The following NDUFV1 variants were observed in gnomAD, a reference collection of about 807,000 sequenced individuals.
The protein encoded by NDUFV1 is NADH:ubiquinone oxidoreductase core subunit V1, also known as NADH dehydrogenase [ubiquinone] flavoprotein 1, mitochondrial.
NDUFV1 carries 41 observed loss-of-function variants against 48.7 expected under a neutral mutation model. That is an observed-to-expected ratio of 0.84 (90% CI 0.66 to 1.09). NDUFV1 has a LOEUF of 1.09. NDUFV1 is among the 50% of genes least tolerant of loss of function. The probability of loss-of-function intolerance (pLI) is 0.00; values close to 1 mark genes in which losing one functional copy is unlikely to be tolerated. For missense variants in NDUFV1, 580 were observed against 645.4 expected, an observed-to-expected ratio of 0.90 and a Z score of 1.10; for synonymous variants, 231 against 259.1, an observed-to-expected ratio of 0.89 and a Z score of 1.04.
At position 67,611,499 on chromosome 11, in the gene NDUFV1, T is replaced by C. The variant is rs762888988; in HGVS notation, c.1010T>C (p.Met337Thr). Residue 337 changes from methionine (M) to threonine (T), a missense_variant, in exon 7 of 10, where the codon ATG becomes ACG. Physicochemically the swap from Met to Thr is moderately conservative, Grantham distance 81. Transcript: ENST00000322776. The surrounding 1 kb of genome is among the most constrained non-coding windows in gnomAD (Gnocchi z 4.2). ...IPKSVCETVL[M>T]DFDALVQAQT... ...AAGTCTGTGTGTGAGACGGTGCTGA[T>C]GGACTTCGATGCGCTGGTGCAGGCA... The C allele has an allele frequency of 6.2e-7, 1 of 1,613,846 alleles. No individual in the cohort carries two copies.
chr11:67,609,131 T>A (rs1433246637), intron 3 of NDUFV1, among the ~76,000 whole-genome samples: 1 of 152,222 alleles, frequency 6.6e-6, no homozygotes. Flanking sequence ...CTTTACCTCC[T>A]TTTGATGGTA....
At position 67,611,416 on chromosome 11, in the gene NDUFV1, C is replaced by A; in HGVS notation, c.927C>A (p.Gly309=). The change falls in exon 7 of 10, where the codon GGC becomes GGA. Residue 309 remains glycine, a synonymous_variant. Transcript: ENST00000322776. The surrounding 1 kb of genome is among the most constrained non-coding windows in gnomAD (Gnocchi z 4.2). ...TTGGGGCCCCAGGGGGTGTCACGGG[C>A]GGCTGGGACAACCTCCTTGCTGTGA... ...LIEKHAGGVT[G]GWDNLLAVIP... 1 of 1,613,596 alleles carries A rather than the reference C, an allele frequency of 6.2e-7. No individual in the cohort carries two copies. The highest frequency in any genetic ancestry group is 2.2e-5 in the East Asian group (1 of 44,882).
chr11:67,609,337 G>T, intron 3 of NDUFV1, 115 bp from the exon 4 acceptor site: 1 of 1,080,098 alleles, frequency 9.3e-7, no homozygotes, highest in Non-Finnish European at 1.4e-6. Context: ...GGCAGTAAAG[G>T]ATTGGCTGTC....
rs965666260 is a variant in NDUFV1 at position 67,612,028 on chromosome 11, T to A, written c.1162+50T>A. Reference sequence around the variant, plus strand: ...TTGCTTGCTGTGGCTTCATTTAACCTCCTCCCCACCACGTGGCCTGCAGCC... The same window carrying A: ...TTGCTTGCTGTGGCTTCATTTAACCACCTCCCCACCACGTGGCCTGCAGCC... On this transcript the variant is annotated intron_variant, in intron 8 of 9. Transcript: ENST00000322776. The surrounding 1 kb of genome is among the most constrained non-coding windows in gnomAD (Gnocchi z 4.4). 1 of 1,613,150 alleles carries A rather than the reference T, an allele frequency of 6.2e-7. No homozygotes were observed. Among genetic ancestry groups the A allele is most frequent in the South Asian group, 1.1e-5 (1 of 91,056 alleles).
rs1036709921 is a variant in NDUFV1, at chr11:67,610,553, C to G, written c.683C>G (p.Pro228Arg). The change falls in exon 5 of 10, where the codon CCC (proline) becomes CGC (arginine). Residue 228 changes from proline to arginine, a missense_variant. Pro to Arg is a moderately radical substitution (Grantham distance 103). Transcript: ENST00000322776. ...GKQGKPRLKP[P>R]FPADVGVFGC... is the part of the protein sequence containing the mutation. ...CAGGGCAAGCCCCGCCTGAAGCCCC[C>G]CTTCCCCGCAGACGTGGGTAAGGCC... The G allele has an allele frequency of 5.6e-6, 9 of 1,614,160 alleles. No homozygotes were observed. Among genetic ancestry groups the G allele is most frequent in the East Asian group, 2.2e-5 (1 of 44,892 alleles).
At position 67,612,430 on chromosome 11, in the gene NDUFV1, A is replaced by T; in HGVS notation, c.1367A>T (p.Gln456Leu). The change falls in exon 10 of 10, where the codon CAG (glutamine) becomes CTG (leucine). Residue 456 changes from glutamine (Q) to leucine (L), a missense_variant. By Grantham distance (113) the Gln-to-Leu change is moderately radical. Coordinates refer to ENST00000322776, the MANE Select transcript of NDUFV1 (RefSeq NM_007103.4). The surrounding 1 kb of genome is among the most constrained non-coding windows in gnomAD (Gnocchi z 4.4). ...LEERMQRFAQQHQARQAAS is the reference protein window; with the variant it reads ...LEERMQRFAQLHQARQAAS ...GAGCGGATGCAGCGGTTTGCCCAGCAGCATCAGGCCCGGCAGGCTGCCTCT... is the reference window on the plus strand; with the variant it reads ...GAGCGGATGCAGCGGTTTGCCCAGCTGCATCAGGCCCGGCAGGCTGCCTCT... 2.5e-6 allele frequency: 4 copies of T among 1,612,302 alleles called. No individual in the cohort carries two copies. Among genetic ancestry groups the T allele is most frequent in the Non-Finnish European group, 3.4e-6 (4 of 1,179,932 alleles).
At position 67,610,670 on chromosome 11, in the gene NDUFV1, C is replaced by T. The variant is rs561801772; in HGVS notation, c.700+100C>T. 8 of 1,475,610 alleles carry T rather than the reference C, an allele frequency of 5.4e-6. No homozygotes were observed. The African/African-American group carries it at 8.4e-5, about 15-fold the overall frequency. 91.4% of individuals were successfully genotyped at this position (1,475,610 alleles called of 1,614,324 possible). A position where few individuals can be genotyped will look rare whatever the true frequency, so the allele number is the denominator to read the frequency against. On this transcript the variant is annotated intron_variant, in intron 5 of 9. Coordinates refer to ENST00000322776, the MANE Select transcript of NDUFV1 (RefSeq NM_007103.4). Reference sequence around the variant, plus strand: ...TTCTTAGGGATTTCTGAGTGGCTTCCCGGCTGGGGCCAGATAGAGAGTAGG... The same window carrying T: ...TTCTTAGGGATTTCTGAGTGGCTTCTCGGCTGGGGCCAGATAGAGAGTAGG...
chr11:67,608,699 C>A lies in NDUFV1; in HGVS notation c.303C>A (p.Phe101Leu). ...TCCCCACTGGCCTCAAGTGGAGCTT[C>A]ATGAATAAGCCCTCAGATGGCAGGT... The part of the protein sequence containing the change: ...AGFPTGLKWS[F>L]MNKPSDGRPK... The change falls in exon 3 of 10, where the codon TTC becomes TTA. Residue 101 changes from phenylalanine to leucine, a missense_variant. Coordinates refer to ENST00000322776, the MANE Select transcript of NDUFV1 (RefSeq NM_007103.4). 6.2e-7 allele frequency: 1 copy of A among 1,614,024 alleles called. No homozygotes were observed.
Position 67,612,527 on chromosome 11 carries a change from C to T in NDUFV1, c.*69C>T. 6.7e-7 allele frequency: 1 copy of T among 1,502,622 alleles called. No homozygotes were observed. The highest frequency in any genetic ancestry group is 1.2e-5 in the South Asian group (1 of 84,792). The allele number at this position is 1,502,622 out of a possible 1,614,324, so 93.1% of individuals were successfully genotyped here. A position where few individuals can be genotyped will look rare whatever the true frequency, so the allele number is the denominator to read the frequency against. ...GCTGGACAATAAAGCGAGTGCTGCC[C>T]ACCCTCCAGCTGCCGCTGCTGTGAC... is the stretch of plus-strand genomic sequence containing the variant. On this transcript the variant is annotated 3_prime_UTR_variant, in exon 10 of 10. Coordinates refer to ENST00000322776, the MANE Select transcript of NDUFV1 (RefSeq NM_007103.4). This position sits in a 1 kb window ranked among gnomAD's most constrained non-coding sequence, Gnocchi z 4.4.
At chr11:67,610,087 A>T in intron 4 of NDUFV1, 1 of 443,774 alleles carries the variant, frequency 2.3e-6, no homozygotes, top group South Asian at 2.7e-5. Flanking sequence ...TTTTAATTTT[A>T]TAAGGACTTT....
chr11:67,607,865 A>G (rs1344452652), intron 1 of NDUFV1, among the ~76,000 whole-genome samples: 1 of 152,244 alleles, frequency 6.6e-6, no homozygotes, highest in African/African-American at 2.4e-5. Flanking sequence ...CGTTCCTATC[A>G]GAGTTCTTAT....
In NDUFV1 at chr11:67,611,224, G is replaced by T. The variant is rs775146684; in HGVS notation, c.913+17G>T. ...AGCATGCTGGTAAGGCCTGGGGCCA[G>T]CCAGGTGGTGGGGGGGTGCGCAGTG... On this transcript the variant is annotated intron_variant, in intron 6 of 9. Coordinates refer to ENST00000322776, the MANE Select transcript of NDUFV1 (RefSeq NM_007103.4). This position sits in a 1 kb window ranked among gnomAD's most constrained non-coding sequence, Gnocchi z 4.2. The T allele has an allele frequency of 3.1e-6, 5 of 1,611,932 alleles. No individual in the cohort carries two copies. In the Admixed American group the frequency reaches 8.3e-5, roughly 27 times the overall value.
intron 5 of NDUFV1, 183 bp from the exon 6 acceptor site, chr11:67,610,812 A>C: frequency 2.6e-6 from 2 of 774,560 alleles, no homozygotes; most frequent in South Asian, 3.3e-5. Context: ...TCTGAGGCTA[A>C]GGGCATGGGG....
chr11:67,608,765 C>G (rs1854858539), intron 3 of NDUFV1, 43 bp downstream of exon 3: 2 of 1,609,598 alleles, frequency 1.2e-6, no homozygotes, highest in East Asian at 4.5e-5. Context: ...TGGGAGAGAC[C>G]TTGGGGGTGG....
intron 3 of NDUFV1, among the ~76,000 whole-genome samples, 160 bp downstream of exon 3, chr11:67,608,882 C>T (rs887891720): frequency 6.6e-6 from 1 of 152,156 alleles, no homozygotes; most frequent in African/African-American, 2.4e-5. Flanking sequence ...TGTGGACTTC[C>T]ACAGGGGAGA....
rs1048338020 is a variant in NDUFV1, at chr11:67,610,544, T to C, written c.674T>C (p.Leu225Pro). Residue 225 changes from leucine to proline, a missense_variant, in exon 5 of 10, where the codon CTG (leucine) becomes CCG (proline). Transcript: ENST00000322776. ...SIEGKQGKPR[L>P]KPPFPADVGV... ...GAGGGCAAGCAGGGCAAGCCCCGCC[T>C]GAAGCCCCCCTTCCCCGCAGACGTG... 1.2e-6 allele frequency: 2 copies of C among 1,614,158 alleles called. No individual in the cohort carries two copies. The highest frequency in any genetic ancestry group is 4.5e-5 in the East Asian group (2 of 44,892).
Position 67,611,301 on chromosome 11 carries a change from C to T in NDUFV1, c.913+94C>T. ...GGGCGGGAGGGCTCAGGAGACGGGG[C>T]TGGGTCTAGGGGCTGACTAAGGGCC... On this transcript the variant is annotated intron_variant, in intron 6 of 9. Transcript: ENST00000322776. The surrounding 1 kb of genome is among the most constrained non-coding windows in gnomAD (Gnocchi z 4.2). 2 of 1,592,278 alleles carry T rather than the reference C, an allele frequency of 1.3e-6. No individual in the cohort carries two copies. Among genetic ancestry groups the T allele is most frequent in the African/African-American group, 1.3e-5 (1 of 74,612 alleles).
intron 4 of NDUFV1, chr11:67,610,142 GCT>G (rs1269897190): frequency 1.8e-6 from 1 of 570,868 alleles, no homozygotes. Flanking sequence ...CCTGATAGTA[GCT>G]ACTTCGTTTT....
rs768399541 is a variant in NDUFV1 at position 67,608,708 on chromosome 11, G to T, written c.312G>T (p.Lys104Asn). ...PTGLKWSFMN[K>N]PSDGRPKYLV... The stretch of plus-strand genomic sequence containing the variant: ...GCCTCAAGTGGAGCTTCATGAATAA[G>T]CCCTCAGATGGCAGGTGTGTGTGTG... The change falls in exon 3 of 10, where the codon AAG becomes AAT. Residue 104 changes from lysine to asparagine, a missense_variant. By Grantham distance (94) the Lys-to-Asn change is moderately conservative. Transcript: ENST00000322776. The T allele has an allele frequency of 1.2e-5, 19 of 1,613,836 alleles. No homozygotes were observed. Among genetic ancestry groups the T allele is most frequent in the Non-Finnish European group, 1.6e-5 (19 of 1,179,936 alleles).
Sources: gnomAD v4.1 joint callset for allele counts (sites outside exome capture counted in the v4.1 genomes callset) on GRCh38, gnomAD v4.1.1 for gene constraint, Gnocchi (gnomAD v3.1) non-coding constraint, MANE v1.5 for transcripts, NCBI Gene and HGNC (gene_info 2026-07-23, HGNC 2026-07-21) for gene names.